The following SCN2B variants were observed in gnomAD, a reference collection of about 807,000 sequenced individuals.
The protein encoded by SCN2B is sodium voltage-gated channel beta subunit 2, also known as sodium channel regulatory subunit beta-2.
SCN2B carries 14 observed loss-of-function variants against 18.2 expected under a neutral mutation model. The observed-to-expected ratio is 0.77, with a 90% CI of 0.51 to 1.21. SCN2B has a LOEUF of 1.21. Among genes scored for constraint, SCN2B ranks in the 50% most tolerant of loss-of-function variants. The pLI, the probability that SCN2B is intolerant of heterozygous loss-of-function variation, is 0.00. For synonymous variants in SCN2B, 115 were observed against 115.3 expected (o/e 1.00, Z 0.02); for missense variants, 262 against 286.9 (o/e 0.91, Z 0.63).
At chr11:118,170,454 G>T (rs1948421849) in intron 1 of SCN2B, among the ~76,000 whole-genome samples, 1 of 152,202 alleles carries the variant, frequency 6.6e-6, no homozygotes, top group South Asian at 2.1e-4. Flanking sequence ...GACCGAGGGG[G>T]TGCATGGTGA....
At chr11:118,169,916 T>G (rs1402448576) in intron 1 of SCN2B, among the ~76,000 whole-genome samples, 1 of 152,164 alleles carries the variant, frequency 6.6e-6, no homozygotes, top group Non-Finnish European at 1.5e-5. Context: ...AAATACCTCC[T>G]TAAATGTCAC....
chr11:118,170,926 G>A (rs1250857195), intron 1 of SCN2B, among the ~76,000 whole-genome samples: 3 of 152,050 alleles, frequency 2.0e-5, no homozygotes, highest in Non-Finnish European at 4.4e-5. Flanking sequence ...AGGAATTGGC[G>A]AACAGCCCAG....
chr11:118,176,257 G>T, intron 1 of SCN2B, 105 bp downstream of exon 1: 2 of 1,096,244 alleles, frequency 1.8e-6, no homozygotes, highest in East Asian at 2.4e-5. Context: ...AGGACACAGA[G>T]GGAAAGCGCT....
rs536273802 is a variant in SCN2B at position 118,171,613 on chromosome 11, A to G, written c.71-2862T>C. On this transcript the variant is annotated intron_variant, in intron 1 of 3. Coordinates refer to ENST00000278947, the MANE Select transcript of SCN2B (RefSeq NM_004588.5). ...CACCAAGCCCAAGGCAGTGCTCCAG[A>G]TTAGAACTTGAACCTCACCATCTCG... Among the ~76,000 whole-genome samples, 48 of 152,320 alleles carry G rather than the reference A, an allele frequency of 3.2e-4. 1 individual carries two copies. Among genetic ancestry groups the G allele is most frequent in the African/African-American group, 1.2e-3 (48 of 41,570 alleles).
chr11:118,173,333 G>T (rs1948444116), intron 1 of SCN2B, among the ~76,000 whole-genome samples: 1 of 152,146 alleles, frequency 6.6e-6, no homozygotes, highest in Non-Finnish European at 1.5e-5. Context: ...AGGTTGAGAA[G>T]CTCATTTGCC....
rs1233076819 is a variant in SCN2B at position 118,168,495 on chromosome 11, C to T, written c.237+90G>A. On this transcript the variant is annotated intron_variant, in intron 2 of 3. Transcript: ENST00000278947. The surrounding 1 kb of genome is among the most constrained non-coding windows in gnomAD (Gnocchi z 4.7). ...CACCCAGGGTCCTCTGGGGCCCTAG[C>T]GCAGTGCCGGGGCCGGTGGTGGGAC... 1.0e-5 allele frequency: 16 copies of T among 1,556,072 alleles called. No homozygotes were observed. The highest frequency in any genetic ancestry group is 6.7e-5 in the East Asian group (3 of 44,614).
intron 1 of SCN2B, among the ~76,000 whole-genome samples, chr11:118,174,335 A>C (rs1948453402): frequency 6.6e-6 from 1 of 151,556 alleles, no homozygotes; most frequent in Non-Finnish European, 1.5e-5. Flanking sequence ...ACTTGAGGGA[A>C]GCCCAGTCAT....
chr11:118,171,594 G>C (rs1948431575), intron 1 of SCN2B, among the ~76,000 whole-genome samples: 1 of 152,246 alleles, frequency 6.6e-6, no homozygotes, highest in African/African-American at 2.4e-5. Context: ...CCCCCACCAA[G>C]CCCAAGGCAG....
intron 1 of SCN2B, among the ~76,000 whole-genome samples, chr11:118,172,644 A>C (rs183479960): frequency 6.6e-6 from 1 of 152,228 alleles, no homozygotes; most frequent in African/African-American, 2.4e-5. Flanking sequence ...AGAAGGGAAA[A>C]GATCATCAAC....
chr11:118,164,382 A>G lies in SCN2B; in HGVS notation c.*2505T>C, dbSNP rs560317407. On this transcript the variant is annotated 3_prime_UTR_variant, in exon 4 of 4. Transcript: ENST00000278947. ...CCAGCTGGCTGGCTCAAGGATGGGC[A>G]GCGTCCATCTGCTGCAGGCATCCTG... The G allele has an allele frequency of 5.9e-5, 9 of 152,840 alleles. No individual in the cohort carries two copies. The East Asian group carries it at 1.7e-3, about 29-fold the overall frequency. The allele number at this position is 152,840 out of a possible 1,614,324, so 9.5% of individuals were successfully genotyped here.
chr11:118,167,935 A>T, intron 3 of SCN2B, 150 bp downstream of exon 3: 1 of 710,948 alleles, frequency 1.4e-6, no homozygotes, highest in Non-Finnish European at 2.6e-6. Context: ...TGAGGACTAG[A>T]GGGAAGAAAA....
chr11:118,167,350 C>A (rs1340983270), intron 3 of SCN2B, among the ~76,000 whole-genome samples: 1 of 152,184 alleles, frequency 6.6e-6, no homozygotes, highest in East Asian at 1.9e-4. Flanking sequence ...AAATTTGAGT[C>A]CTAATTGTAC....
rs1948470850 is a variant in SCN2B at position 118,176,620 on chromosome 11, G to C, written c.-189C>G. Reference sequence around the variant, plus strand: ...CCGGCTTGTATGTTGCTGCTAAAAAGAGAGAGAGAGGGAGTGTGTAAAGGA... The same window carrying C: ...CCGGCTTGTATGTTGCTGCTAAAAACAGAGAGAGAGGGAGTGTGTAAAGGA... On this transcript the variant is annotated 5_prime_UTR_variant, in exon 1 of 4. Transcript: ENST00000278947. The C allele has an allele frequency of 6.3e-6, 2 of 315,786 alleles. No homozygotes were observed. The highest frequency in any genetic ancestry group is 1.2e-5 in the Non-Finnish European group (2 of 160,454). 19.6% of individuals were successfully genotyped at this position (315,786 alleles called of 1,614,324 possible).
intron 1 of SCN2B, among the ~76,000 whole-genome samples, chr11:118,170,514 G>C (rs931183157): frequency 6.6e-6 from 1 of 152,148 alleles, no homozygotes; most frequent in African/African-American, 2.4e-5. Flanking sequence ...AGGCTTTGTG[G>C]GCTAGGATAT....
At chr11:118,170,656 G>A (rs1373794107) in intron 1 of SCN2B, among the ~76,000 whole-genome samples, 1 of 152,188 alleles carries the variant, frequency 6.6e-6, no homozygotes, top group East Asian at 1.9e-4. Context: ...AAGGGGATGA[G>A]ACTAGACTTG....
rs1254930635 is a variant in SCN2B at position 118,173,275 on chromosome 11, A to AC, written c.70+3086dup. Reference sequence around the variant, plus strand: ...ACCCCAGTTCTGATTTTTTCTGAAAACACCACCTTCCTTCCCTTCTCCATG... The same window carrying AC: ...ACCCCAGTTCTGATTTTTTCTGAAAACCACCACCTTCCTTCCCTTCTCCATG... On this transcript the variant is annotated intron_variant, in intron 1 of 3. Coordinates refer to ENST00000278947, the MANE Select transcript of SCN2B (RefSeq NM_004588.5). Among the ~76,000 whole-genome samples, 4 of 152,180 alleles carry AC rather than the reference A, an allele frequency of 2.6e-5. No homozygotes were observed. In the East Asian group the frequency reaches 7.7e-4, roughly 29 times the overall value.
rs943325441 is a variant in SCN2B, at chr11:118,162,819, T to C, written c.*4068A>G. 5.3e-5 allele frequency: 8 copies of C among 152,156 alleles called. No homozygotes were observed. Among genetic ancestry groups the C allele is most frequent in the African/African-American group, 1.7e-4 (7 of 41,414 alleles). The allele number at this position is 152,156 out of a possible 1,614,324, so 9.4% of individuals were successfully genotyped here. A position where few individuals can be genotyped will look rare whatever the true frequency, so the allele number is the denominator to read the frequency against. On this transcript the variant is annotated 3_prime_UTR_variant, in exon 4 of 4. Transcript: ENST00000278947. ...ACACTCGAGGGATTTTCAGGGGAGA[T>C]AGTTTATTGTTGCCAGTAGACCCAA...
chr11:118,167,948 G>T, intron 3 of SCN2B, 137 bp downstream of exon 3: 1 of 733,534 alleles, frequency 1.4e-6, no homozygotes, highest in Non-Finnish European at 2.5e-6. Flanking sequence ...GAAGAAAATG[G>T]ATTCCTTCTA....
intron 1 of SCN2B, among the ~76,000 whole-genome samples, chr11:118,176,008 C>T (rs1948465869): frequency 6.6e-6 from 1 of 152,130 alleles, no homozygotes; most frequent in East Asian, 1.9e-4. Context: ...GTCCCAGGAC[C>T]CCGCATTTGC....
Sources: gnomAD v4.1 joint callset for allele counts (sites outside exome capture counted in the v4.1 genomes callset) on GRCh38, gnomAD v4.1.1 for gene constraint, Gnocchi (gnomAD v3.1) non-coding constraint, MANE v1.5 for transcripts, NCBI Gene and HGNC (gene_info 2026-07-23, HGNC 2026-07-21) for gene names.